The following PDE3B variants were observed in gnomAD, a reference collection of about 807,000 sequenced individuals.
PDE3B encodes phosphodiesterase 3B.
In PDE3B, 66 loss-of-function variants were observed where a neutral mutation model predicts 116.8. That is an observed-to-expected ratio of 0.56 (90% CI 0.46 to 0.69). PDE3B has a LOEUF of 0.69. Ranked by LOEUF, PDE3B falls within the 30% of genes least tolerant of loss-of-function variation. PDE3B has a pLI of 0.00. For missense variants in PDE3B, 1,384 were observed against 1,368.1 expected (o/e 1.01, Z -0.18); for synonymous variants, 595 against 533.6 (o/e 1.12, Z -1.59).
chr11:14,689,493 A>G (rs189265013), intron 1 of PDE3B, among the ~76,000 whole-genome samples: 17 of 152,176 alleles, frequency 1.1e-4, no homozygotes, highest in Admixed American at 9.2e-4. Context: ...TTGATAGTCT[A>G]GTTACTAGAT....
chr11:14,711,606 A>C (rs1202633897), intron 1 of PDE3B, among the ~76,000 whole-genome samples: 1 of 152,076 alleles, frequency 6.6e-6, no homozygotes, highest in African/African-American at 2.4e-5. Context: ...ACTTTGCAAC[A>C]ATCATATCTC....
At chr11:14,872,133 C>T (rs1555009190), downstream of PDE3B, 1 of 140,414 alleles carries the variant, frequency 7.1e-6, no homozygotes, top group East Asian at 2.1e-4. Context: ...TTACAAGAAA[C>T]CTGGAGATTC....
At chr11:14,656,647 T>C (rs1281674830) in intron 1 of PDE3B, among the ~76,000 whole-genome samples, 1 of 152,176 alleles carries the variant, frequency 6.6e-6, no homozygotes, top group African/African-American at 2.4e-5. Flanking sequence ...GTAATCACAG[T>C]ACCTATCTTA....
chr11:14,718,553 G>A (rs1487499396), intron 1 of PDE3B, among the ~76,000 whole-genome samples: 1 of 149,804 alleles, frequency 6.7e-6, no homozygotes, highest in Non-Finnish European at 1.5e-5. Flanking sequence ...TAAAAGAACA[G>A]AAATTATAGC....
At chr11:14,849,063 A>G (rs1025545855) in intron 12 of PDE3B, among the ~76,000 whole-genome samples, 48 of 152,110 alleles carry the variant, frequency 3.2e-4, no homozygotes, top group Non-Finnish European at 6.2e-4. Flanking sequence ...AGCTGGAGGC[A>G]TCACGCTACC....
chr11:14,731,459 C>T (rs565966705), intron 1 of PDE3B, among the ~76,000 whole-genome samples: 4 of 151,978 alleles, frequency 2.6e-5, no homozygotes, highest in South Asian at 2.1e-4. Flanking sequence ...GGGGTTTCAT[C>T]GTGTTAGCCA....
intron 6 of PDE3B, 77 bp downstream of exon 6, chr11:14,818,470 C>A: frequency 1.1e-6 from 1 of 914,500 alleles, no homozygotes; most frequent in Non-Finnish European, 1.7e-6. Context: ...TGGATAGGTT[C>A]TTGGAAACTC....
At chr11:14,685,587 C>G (rs1261169199) in intron 1 of PDE3B, among the ~76,000 whole-genome samples, 1 of 150,956 alleles carries the variant, frequency 6.6e-6, no homozygotes, top group African/African-American at 2.4e-5. Flanking sequence ...TCCCAAGTAG[C>G]TGGGATTACA....
At chr11:14,826,247 G>A (rs895221795) in intron 7 of PDE3B, among the ~76,000 whole-genome samples, 4 of 149,668 alleles carry the variant, frequency 2.7e-5, no homozygotes, top group Non-Finnish European at 5.9e-5. Flanking sequence ...AAAGCTGACA[G>A]AAAACAAGAA....
At chr11:14,888,422 G>A in the PDE3B span, among the ~76,000 whole-genome samples, 8 of 152,264 alleles carry the variant, frequency 5.3e-5, no homozygotes, top group South Asian at 1.0e-3. Context: ...ACAGACAAAT[G>A]TGCAAAGTGC....
chr11:14,834,829 AAT>A, intron 10 of PDE3B, among the ~76,000 whole-genome samples, 151 bp from the exon 11 acceptor site: 1 of 152,368 alleles, frequency 6.6e-6, no homozygotes, highest in Non-Finnish European at 1.5e-5. Context: ...TATTTTTTTT[AAT>A]ACATCAAGAG....
chr11:14,843,585 G>T (rs940680213), intron 11 of PDE3B, among the ~76,000 whole-genome samples: 1 of 152,176 alleles, frequency 6.6e-6, no homozygotes, highest in South Asian at 2.1e-4. Context: ...CATCAAACTT[G>T]TGTGAGAATC....
chr11:14,763,499 G>A (rs759625134), intron 1 of PDE3B, among the ~76,000 whole-genome samples: 2 of 151,968 alleles, frequency 1.3e-5, no homozygotes, highest in Non-Finnish European at 2.9e-5. Context: ...ATAAAGGGGT[G>A]TGTGTGTGTA....
intron 1 of PDE3B, among the ~76,000 whole-genome samples, chr11:14,713,881 A>G (rs1855786942): frequency 1.3e-5 from 2 of 152,202 alleles, no homozygotes; most frequent in Admixed American, 1.3e-4. Flanking sequence ...GAAAAACACT[A>G]CAGGCAGAGG....
At chr11:14,859,322 T>G (rs1044579579) in intron 13 of PDE3B, 76 bp downstream of exon 13, 28 of 1,001,442 alleles carry the variant, frequency 2.8e-5, no homozygotes, top group Non-Finnish European at 4.1e-5. Flanking sequence ...TTTTTTAATG[T>G]TAAGTTAGAA....
At chr11:14,844,782 G>A (rs1467598895) in intron 12 of PDE3B, among the ~76,000 whole-genome samples, 1 of 152,242 alleles carries the variant, frequency 6.6e-6, no homozygotes, top group African/African-American at 2.4e-5. Flanking sequence ...CAAGGCTGGG[G>A]AAAGGGCGCC....
intron 1 of PDE3B, among the ~76,000 whole-genome samples, chr11:14,725,115 C>T (rs897614928): frequency 6.6e-6 from 1 of 152,114 alleles, no homozygotes; most frequent in Non-Finnish European, 1.5e-5. Flanking sequence ...TCAAGAACTT[C>T]CTTCTTTTTA....
chr11:14,760,279 T>G (rs1857321503), intron 1 of PDE3B, among the ~76,000 whole-genome samples: 1 of 152,160 alleles, frequency 6.6e-6, no homozygotes, highest in African/African-American at 2.4e-5. Flanking sequence ...TGTTCATAGA[T>G]TCTATAACCA....
At chr11:14,811,412 A>T (rs987194553) in intron 5 of PDE3B, among the ~76,000 whole-genome samples, 1 of 152,202 alleles carries the variant, frequency 6.6e-6, no homozygotes, top group African/African-American at 2.4e-5. Context: ...CCAGCACCAT[A>T]TTAAATAGGG....
Sources: allele counts gnomAD v4.1 joint callset (sites outside exome capture counted in the v4.1 genomes callset), GRCh38; gene constraint gnomAD v4.1.1; transcripts MANE v1.5; gene names NCBI Gene and HGNC (gene_info 2026-07-23, HGNC 2026-07-21).